RNGTT: variants seen among roughly 807,000 people sequenced by gnomAD.
RNGTT encodes the protein RNA guanylyltransferase and 5'-phosphatase.
A neutral mutation model predicts 79.3 loss-of-function variants in RNGTT; 33 were observed. That is an observed-to-expected ratio of 0.42 (90% confidence interval 0.32 to 0.56). The LOEUF (loss-of-function observed/expected upper bound fraction) is 0.56. RNGTT is among the 20% of genes least tolerant of loss of function. RNGTT has a pLI of 0.17. For synonymous variants in RNGTT, 222 were observed against 235.9 expected, an observed-to-expected ratio of 0.94 and a Z score of 0.54; for missense variants, 497 against 739.1, an observed-to-expected ratio of 0.67 and a Z score of 3.80.
intron 8 of RNGTT, among the ~76,000 whole-genome samples, chr6:88,877,357 C>G (rs970340068): frequency 2.6e-5 from 4 of 152,166 alleles, no homozygotes; most frequent in African/African-American, 9.7e-5. Flanking sequence ...TGAATTGGGT[C>G]ACTGATTTTT....
At chr6:88,794,153 GT>G (rs1779513311) in intron 12 of RNGTT, among the ~76,000 whole-genome samples, 1 of 152,168 alleles carries the variant, frequency 6.6e-6, no homozygotes, top group Non-Finnish European at 1.5e-5. Context: ...GTGTCTGTTT[GT>G]TTGTTTGTTT....
At position 88,891,925 on chromosome 6, in the gene RNGTT, A is replaced by G. The variant is rs369943036; in HGVS notation, c.685-10T>C. 10 of 1,476,326 alleles carry G rather than the reference A, an allele frequency of 6.8e-6. No homozygotes were observed. The highest frequency in any genetic ancestry group is 1.5e-5 in the African/African-American group (1 of 68,902). The allele number at this position is 1,476,326 out of a possible 1,614,324, so 91.5% of individuals were successfully genotyped here. A position where few individuals can be genotyped will look rare whatever the true frequency, so the allele number is the denominator to read the frequency against. ...CCAAGAAAATAGCGCCCTTTAAAAAAAAAATAAGAAAAATAAGGGAAAGAA... is the reference window on the plus strand; with the variant it reads ...CCAAGAAAATAGCGCCCTTTAAAAAGAAAATAAGAAAAATAAGGGAAAGAA... On this transcript the variant is annotated splice_polypyrimidine_tract_variant and intron_variant, in intron 6 of 15. Coordinates refer to ENST00000369485, the MANE Select transcript of RNGTT (RefSeq NM_003800.5).
At chr6:88,830,572 A>C (rs1235216410) in intron 11 of RNGTT, among the ~76,000 whole-genome samples, 3 of 152,016 alleles carry the variant, frequency 2.0e-5, no homozygotes, top group Non-Finnish European at 2.9e-5. Flanking sequence ...GAAGTAACTA[A>C]GACCAGAGCA....
intron 13 of RNGTT, among the ~76,000 whole-genome samples, chr6:88,712,317 T>C (rs760264596): frequency 1.3e-5 from 2 of 152,192 alleles, no homozygotes; most frequent in Admixed American, 6.5e-5. Context: ...GGTTGTGTTG[T>C]TTTTTAAAAA....
intron 11 of RNGTT, among the ~76,000 whole-genome samples, chr6:88,820,508 A>G (rs1582501154): frequency 6.6e-6 from 1 of 152,238 alleles, no homozygotes; most frequent in East Asian, 1.9e-4. Flanking sequence ...CACAAATGAT[A>G]TGATTGCCTA....
intron 11 of RNGTT, among the ~76,000 whole-genome samples, chr6:88,834,692 C>G (rs756929302): frequency 1.3e-5 from 2 of 152,094 alleles, no homozygotes; most frequent in Non-Finnish European, 2.9e-5. Flanking sequence ...AACACTGATA[C>G]AGTCATAGAA....
intron 12 of RNGTT, among the ~76,000 whole-genome samples, chr6:88,794,084 C>CT (rs1779510268): frequency 6.6e-6 from 1 of 152,196 alleles, no homozygotes; most frequent in East Asian, 1.9e-4. Flanking sequence ...CAAAGCTAAG[C>CT]TCTTACAGCC....
intron 1 of RNGTT, among the ~76,000 whole-genome samples, chr6:88,956,106 G>C (rs1785423584): frequency 6.9e-6 from 1 of 144,498 alleles, no homozygotes; most frequent in Non-Finnish European, 1.5e-5. Context: ...TAGACCATTA[G>C]CAAGATTAAC....
chr6:88,919,414 A>G (rs1358057387), intron 4 of RNGTT, among the ~76,000 whole-genome samples: 1 of 152,248 alleles, frequency 6.6e-6, no homozygotes, highest in African/African-American at 2.4e-5. Context: ...AGCTATAGCT[A>G]TACATGTTGG....
intron 13 of RNGTT, among the ~76,000 whole-genome samples, chr6:88,703,423 T>C (rs1268214250): frequency 2.6e-5 from 4 of 152,206 alleles, no homozygotes; most frequent in Admixed American, 6.5e-5. Context: ...CTGGAGGCCA[T>C]TGTCCTATGA....
At chr6:88,859,105 C>A (rs534862086) in intron 8 of RNGTT, among the ~76,000 whole-genome samples, 1 of 152,148 alleles carries the variant, frequency 6.6e-6, no homozygotes, top group Admixed American at 6.6e-5. Context: ...AATCCTCCCA[C>A]CTCAGCCTCC....
chr6:88,939,418 C>G (rs910877056), intron 2 of RNGTT, among the ~76,000 whole-genome samples: 4 of 152,224 alleles, frequency 2.6e-5, no homozygotes, highest in South Asian at 2.1e-4. Context: ...TTTTCTATTT[C>G]ATTCAATGAA....
intron 14 of RNGTT, among the ~76,000 whole-genome samples, chr6:88,626,267 A>G (rs935175076): frequency 2.6e-5 from 4 of 152,002 alleles, no homozygotes; most frequent in African/African-American, 9.7e-5. Flanking sequence ...GAGGATACAG[A>G]GCTGATTTGT....
At chr6:88,766,601 T>C (rs75945992) in intron 13 of RNGTT, among the ~76,000 whole-genome samples, 1,742 of 152,206 alleles carry the variant, frequency 0.011, 33 homozygotes, top group African/African-American at 0.039. Context: ...TGGATTTTAA[T>C]TGCCATCAAC....
chr6:88,894,120 G>A (rs1296940796), intron 6 of RNGTT, among the ~76,000 whole-genome samples: 5 of 152,146 alleles, frequency 3.3e-5, no homozygotes, highest in Non-Finnish European at 5.9e-5. Flanking sequence ...TCTAAGAGGG[G>A]AGAAAATAAA....
intron 2 of RNGTT, among the ~76,000 whole-genome samples, chr6:88,935,781 C>G (rs558063822): frequency 2.0e-5 from 3 of 152,236 alleles, no homozygotes; most frequent in African/African-American, 4.8e-5. Context: ...AGATCTTTCA[C>G]TTCCTTGGTT....
chr6:88,666,413 G>A (rs1270533326), intron 14 of RNGTT, among the ~76,000 whole-genome samples: 1 of 152,172 alleles, frequency 6.6e-6, no homozygotes, highest in Admixed American at 6.5e-5. Flanking sequence ...ACAAGAAGTG[G>A]ATAAACTAAC....
intron 13 of RNGTT, among the ~76,000 whole-genome samples, chr6:88,723,853 T>C (rs927118498): frequency 2.0e-5 from 3 of 152,002 alleles, no homozygotes; most frequent in Non-Finnish European, 1.5e-5. Context: ...GCCTCCCCAG[T>C]AGCTGGGATT....
intron 13 of RNGTT, among the ~76,000 whole-genome samples, chr6:88,693,826 C>T (rs1254458737): frequency 6.6e-6 from 1 of 152,126 alleles, no homozygotes; most frequent in Non-Finnish European, 1.5e-5. Context: ...TGATAAGCCA[C>T]ATTAACAAAA....
Sources: allele counts gnomAD v4.1 joint callset (sites outside exome capture counted in the v4.1 genomes callset), GRCh38; gene constraint gnomAD v4.1.1; transcripts MANE v1.5; gene names NCBI Gene and HGNC (gene_info 2026-07-23, HGNC 2026-07-21).